CREB5: variants seen among roughly 807,000 people sequenced by gnomAD.
The protein encoded by CREB5 is cAMP responsive element binding protein 5.
In CREB5, 19 loss-of-function variants were observed where a neutral mutation model predicts 57.1. The ratio of observed to expected loss-of-function variants is 0.33; its 90% CI spans 0.23 to 0.49. The LOEUF is 0.49. Among genes scored for constraint, CREB5 ranks in the 20% least tolerant of loss-of-function variants. The pLI is 0.99. For missense variants in CREB5, 579 were observed against 671.6 expected (o/e 0.86, Z 1.52); for synonymous variants, 238 against 238.3 (o/e 1.00, Z 0.01).
intron 3 of CREB5, among the ~76,000 whole-genome samples, chr7:28,499,176 G>GA (rs34378552): frequency 0.23 from 29,354 of 126,164 alleles, 4,118 homozygotes; most frequent in African/African-American, 0.37. Flanking sequence ...TTCTGTGCAG[G>GA]AAAAAAAAAA....
intron 7 of CREB5, among the ~76,000 whole-genome samples, chr7:28,745,773 G>C (rs975787595): frequency 1.3e-5 from 2 of 152,208 alleles, no homozygotes; most frequent in African/African-American, 2.4e-5. Flanking sequence ...TCCTTGATCT[G>C]ACCATGGAGG....
At chr7:28,797,960 GAA>G (rs59850606) in intron 7 of CREB5, among the ~76,000 whole-genome samples, 1 of 149,200 alleles carries the variant, frequency 6.7e-6, no homozygotes, top group Non-Finnish European at 1.5e-5. Flanking sequence ...TTTGGAAAGT[GAA>G]AAAAAAAAGG....
At chr7:28,662,978 C>G (rs559811629) in intron 5 of CREB5, among the ~76,000 whole-genome samples, 1 of 151,794 alleles carries the variant, frequency 6.6e-6, no homozygotes, top group Non-Finnish European at 1.5e-5. Flanking sequence ...AACCCCATCT[C>G]TACTAAAAAT....
intron 1 of CREB5, among the ~76,000 whole-genome samples, chr7:28,407,308 C>T (rs536617337): frequency 1.1e-4 from 17 of 152,292 alleles, no homozygotes; most frequent in Non-Finnish European, 2.4e-4. Flanking sequence ...GCCTCGGCCT[C>T]CCAAAGTGCT....
At chr7:28,813,593 C>A (rs1322566636) in intron 9 of CREB5, among the ~76,000 whole-genome samples, 1 of 152,098 alleles carries the variant, frequency 6.6e-6, no homozygotes, top group Non-Finnish European at 1.5e-5. Context: ...TATTGTAGAG[C>A]CCATTTTGAT....
chr7:28,702,120 C>A (rs1192110027), intron 5 of CREB5, among the ~76,000 whole-genome samples: 4 of 152,052 alleles, frequency 2.6e-5, no homozygotes, highest in Non-Finnish European at 5.9e-5. Context: ...TTTCAGTTTT[C>A]TTCCTTATAA....
chr7:28,503,908 G>A (rs1792373852), intron 3 of CREB5, among the ~76,000 whole-genome samples: 1 of 150,734 alleles, frequency 6.6e-6, no homozygotes. Flanking sequence ...AGAAGGACCA[G>A]AAAAAGGTCC....
At chr7:28,376,767 A>AT (rs1466373305) in intron 1 of CREB5, among the ~76,000 whole-genome samples, 1 of 152,154 alleles carries the variant, frequency 6.6e-6, no homozygotes, top group Non-Finnish European at 1.5e-5. Flanking sequence ...TGAGCCAATA[A>AT]TATGAGCTGT....
chr7:28,413,292 A>G (rs1787882611), intron 1 of CREB5, among the ~76,000 whole-genome samples: 1 of 152,122 alleles, frequency 6.6e-6, no homozygotes, highest in Non-Finnish European at 1.5e-5. Flanking sequence ...AGTTCTTGAA[A>G]AAGAAACCTA....
intron 1 of CREB5, among the ~76,000 whole-genome samples, chr7:28,478,516 G>A (rs968359987): frequency 1.1e-4 from 16 of 152,168 alleles, no homozygotes; most frequent in African/African-American, 2.4e-4. Context: ...GTGAGCGGAG[G>A]GCTAATGGTG....
intron 5 of CREB5, among the ~76,000 whole-genome samples, chr7:28,689,424 A>C (rs766106298): frequency 8.6e-4 from 131 of 152,250 alleles, no homozygotes; most frequent in Non-Finnish European, 1.8e-3. Context: ...GCCGAGATCG[A>C]GCCACTGTAC....
chr7:28,543,059 A>G (rs1391603228), intron 4 of CREB5, among the ~76,000 whole-genome samples: 1 of 152,068 alleles, frequency 6.6e-6, no homozygotes, highest in Admixed American at 6.5e-5. Flanking sequence ...TTAAGTTTAC[A>G]GAGTGTTTTT....
At chr7:28,589,800 G>A (rs200371050) in intron 5 of CREB5, among the ~76,000 whole-genome samples, 6 of 151,732 alleles carry the variant, frequency 4.0e-5, no homozygotes, top group Non-Finnish European at 8.8e-5. Flanking sequence ...TCTGCATTAG[G>A]AGTATTTATT....
intron 1 of CREB5, among the ~76,000 whole-genome samples, chr7:28,434,786 A>G (rs974548293): frequency 6.6e-6 from 1 of 152,192 alleles, no homozygotes; most frequent in Non-Finnish European, 1.5e-5. Context: ...GTGCTGAACC[A>G]TGGCCCTGGC....
chr7:28,794,031 CA>C (rs1807882745), intron 7 of CREB5, among the ~76,000 whole-genome samples: 1 of 152,188 alleles, frequency 6.6e-6, no homozygotes, highest in Admixed American at 6.5e-5. Flanking sequence ...GACTTCTGTG[CA>C]ATTAAAATCC....
intron 5 of CREB5, among the ~76,000 whole-genome samples, chr7:28,671,694 G>C (rs1583516060): frequency 6.6e-6 from 1 of 152,222 alleles, no homozygotes; most frequent in South Asian, 2.1e-4. Context: ...AAGGTGTGGT[G>C]GATTAGAGTA....
At chr7:28,448,115 G>A (rs1416749447) in intron 1 of CREB5, among the ~76,000 whole-genome samples, 1 of 152,098 alleles carries the variant, frequency 6.6e-6, no homozygotes, top group Admixed American at 6.5e-5. Flanking sequence ...TATAAAGCAG[G>A]CAGAAAAACG....
chr7:28,497,713 A>C (rs1355029260), intron 3 of CREB5, among the ~76,000 whole-genome samples: 1 of 152,136 alleles, frequency 6.6e-6, no homozygotes, highest in African/African-American at 2.4e-5. Context: ...ATATACCAAC[A>C]TTGTCCATCC....
Position 28,804,237 on chromosome 7 carries a change from G to A in CREB5, c.741G>A (p.Met247Ile), listed in dbSNP as rs1438869562. ...CATTGACTCACCACCCTGCTGCCAT[G>A]TCAAATGGGAACATGAACACCATGG... Reference protein sequence around the residue: ...KAALTHHPAAMSNGNMNTMGH... With the variant: ...KAALTHHPAAISNGNMNTMGH... Residue 247 changes from methionine to isoleucine, a missense_variant, in exon 8 of 11, where the codon ATG becomes ATA. Coordinates refer to ENST00000357727, the MANE Select transcript of CREB5 (RefSeq NM_182898.4). 4 of 1,613,920 alleles carry A rather than the reference G, an allele frequency of 2.5e-6. No homozygotes were observed. The highest frequency in any genetic ancestry group is 1.6e-4 in the Middle Eastern group (1 of 6,082).
Sources: allele counts gnomAD v4.1 joint callset (sites outside exome capture counted in the v4.1 genomes callset), GRCh38; gene constraint gnomAD v4.1.1; transcripts MANE v1.5; gene names NCBI Gene and HGNC (gene_info 2026-07-23, HGNC 2026-07-21).